The following TRIP10 variants were observed in gnomAD, a reference collection of about 807,000 sequenced individuals.
TRIP10 encodes the protein thyroid hormone receptor interactor 10, also known as cdc42-interacting protein 4.
TRIP10 carries 54 observed loss-of-function variants against 80.9 expected under a neutral mutation model. The observed-to-expected ratio is 0.67, with a 90% CI of 0.54 to 0.84. The LOEUF (loss-of-function observed/expected upper bound fraction) is 0.84, where lower values mean the gene tolerates loss of function less well. Among genes scored for constraint, TRIP10 ranks in the 40% least tolerant of loss-of-function variants. The pLI is 0.00. For missense variants in TRIP10, 773 were observed against 815.3 expected (o/e 0.95, Z 0.63); for synonymous variants, 321 against 307.2 (o/e 1.04, Z -0.47).
rs761033617 is a variant in TRIP10 at position 6,746,012 on chromosome 19, C to G, written c.985-17C>G. On this transcript the variant is annotated splice_polypyrimidine_tract_variant and intron_variant, in intron 9 of 14. Transcript: ENST00000313244. The surrounding 1 kb of genome is among the most constrained non-coding windows in gnomAD (Gnocchi z 6.2). ...CCACCCCTTCAACCTATCCCCCTCC[C>G]CGGCCCCCGCCGGTAGCCTCGCCCC... is the stretch of plus-strand genomic sequence containing the variant. The G allele has an allele frequency of 9.3e-5, 95 of 1,017,902 alleles. 2 individuals are homozygous for G. In the Middle Eastern group the frequency reaches 2.3e-3, roughly 24 times the overall value. The allele number at this position is 1,017,902 out of a possible 1,614,324, so 63.1% of individuals were successfully genotyped here. A position where few individuals can be genotyped will look rare whatever the true frequency, so the allele number is the denominator to read the frequency against.
chr19:6,746,074 G>T lies in TRIP10; in HGVS notation c.1030G>T (p.Ala344Ser), dbSNP rs1300477324. 5.4e-6 allele frequency: 8 copies of T among 1,492,366 alleles called. No individual in the cohort carries two copies. The highest frequency in any genetic ancestry group is 6.3e-6 in the Non-Finnish European group (7 of 1,117,140). 92.4% of individuals were successfully genotyped at this position (1,492,366 alleles called of 1,614,324 possible). The change falls in exon 10 of 15, where the codon GCA (alanine) becomes TCA (serine). Residue 344 changes from alanine to serine, a missense_variant. By Grantham distance (99) the Ala-to-Ser change is moderately conservative. Transcript: ENST00000313244. The surrounding 1 kb of genome is among the most constrained non-coding windows in gnomAD (Gnocchi z 6.2). ...LSPLGGPVPS[A>S]LPNGPPSPRS... ...CCCCCTGGGGGGCCCCGTACCCTCGGCATTGCCTAACGGACCCCCGTCCCC... is the reference window on the plus strand; with the variant it reads ...CCCCCTGGGGGGCCCCGTACCCTCGTCATTGCCTAACGGACCCCCGTCCCC...
At chr19:6,749,792 A>C (rs1248999561) in intron 11 of TRIP10, 142 bp from the exon 12 acceptor site, 1 of 1,204,712 alleles carries the variant, frequency 8.3e-7, no homozygotes, top group African/African-American at 1.5e-5. Context: ...TTAAGGTTGC[A>C]GTGAGCCATG....
intron 1 of TRIP10, 34 bp from the exon 2 acceptor site, chr19:6,740,976 C>T (rs1968899845): frequency 1.3e-6 from 2 of 1,592,830 alleles, no homozygotes; most frequent in African/African-American, 1.3e-5. Context: ...ACCCCGGCCC[C>T]TCTCCCCTCC....
In TRIP10 at chr19:6,743,615, C is replaced by CGGGGGGGGGTGGGGGGTGTGGGGGGGGGG; in HGVS notation, c.513+26_513+27insTGGGGGGTGTGGGGGGGGGGGGGGGGGGG. 1 of 770,178 alleles carries CGGGGGGGGGTGGGGGGTGTGGGGGGGGGG rather than the reference C, an allele frequency of 1.3e-6. No individual in the cohort carries two copies. Among genetic ancestry groups the CGGGGGGGGGTGGGGGGTGTGGGGGGGGGG allele is most frequent in the Non-Finnish European group, 1.8e-6 (1 of 549,194 alleles). 47.7% of individuals were successfully genotyped at this position (770,178 alleles called of 1,614,324 possible). On this transcript the variant is annotated intron_variant, in intron 6 of 14. Transcript: ENST00000313244. Reference sequence around the variant, plus strand: ...GTGGAGAAGGTGTGTGTGGCGGGGGCGGGGGGGGGGTGCGGGGTCTGGGAC... The same window carrying CGGGGGGGGGTGGGGGGTGTGGGGGGGGGG: ...GTGGAGAAGGTGTGTGTGGCGGGGGCGGGGGGGGGTGGGGGGTGTGGGGGGGGGGGGGGGGGGGGTGCGGGGTCTGGGAC...
chr19:6,741,697 G>T (rs906490715), intron 3 of TRIP10, among the ~76,000 whole-genome samples: 1 of 152,074 alleles, frequency 6.6e-6, no homozygotes. Flanking sequence ...ATCAAACGCC[G>T]TAAGGAGCAT....
chr19:6,750,991 C>A, intron 14 of TRIP10, 72 bp from the exon 15 acceptor site: 1 of 1,447,852 alleles, frequency 6.9e-7, no homozygotes, highest in South Asian at 1.6e-5. Context: ...GAGGCTCTGT[C>A]TCAAAAATAA....
intron 11 of TRIP10, chr19:6,748,940 A>G (rs1969207432): frequency 6.6e-6 from 1 of 151,762 alleles, no homozygotes; most frequent in African/African-American, 2.4e-5. Context: ...TTTATTAGTC[A>G]CTTACTGCAT....
At chr19:6,741,432 C>T (rs10419080) in intron 3 of TRIP10, 151 bp downstream of exon 3, 269,546 of 926,564 alleles carry the variant, frequency 0.29, 41,250 homozygotes, top group Non-Finnish European at 0.3. Flanking sequence ...GATTATCTGG[C>T]TTGGAATCCT....
chr19:6,744,188 C>G lies in TRIP10; in HGVS notation c.642+352C>G, dbSNP rs1969024772. Among the ~76,000 whole-genome samples the G allele has an allele frequency of 6.6e-6, 1 of 152,184 alleles. No homozygotes were observed. Among genetic ancestry groups the G allele is most frequent in the South Asian group, 2.1e-4 (1 of 4,836 alleles). ...TCTTCTAAGCTCCACCTCTAACAAC[C>G]CCTCTGAAAGGTCTCGAATTTCCCC... On this transcript the variant is annotated intron_variant, in intron 7 of 14. Transcript: ENST00000313244. The surrounding 1 kb of genome is among the most constrained non-coding windows in gnomAD (Gnocchi z 4.9).
chr19:6,748,589 T>C (rs1290904393), intron 11 of TRIP10: 1 of 152,188 alleles, frequency 6.6e-6, no homozygotes, highest in Admixed American at 6.5e-5. Flanking sequence ...GAGACCGAGT[T>C]TGAGACCAGC....
Position 6,746,422 on chromosome 19 carries a change from C to T in TRIP10, c.1153-30C>T, listed in dbSNP as rs929986823. ...AGTCTGGCAGGCTAGACTCCTTGATCCCAAATTCAGCCCTCTACCCACCTT... is the reference window on the plus strand; with the variant it reads ...AGTCTGGCAGGCTAGACTCCTTGATTCCAAATTCAGCCCTCTACCCACCTT... On this transcript the variant is annotated intron_variant, in intron 10 of 14. Coordinates refer to ENST00000313244, the MANE Select transcript of TRIP10 (RefSeq NM_001288962.2). This position sits in a 1 kb window ranked among gnomAD's most constrained non-coding sequence, Gnocchi z 6.2. The T allele has an allele frequency of 1.7e-5, 27 of 1,611,702 alleles. No individual in the cohort carries two copies. The highest frequency in any genetic ancestry group is 2.3e-5 in the Non-Finnish European group (27 of 1,178,096).
rs1227877551 is a variant in TRIP10, at chr19:6,743,495, G to A, written c.410G>A (p.Ser137Asn). Residue 137 changes from serine (S) to asparagine (N), a missense_variant and splice_region_variant, in exon 6 of 15, where the codon AGT (serine) becomes AAT (asparagine). Transcript: ENST00000313244. ...LENGFKQLENSKRKFERDCRE... is the reference protein window; with the variant it reads ...LENGFKQLENNKRKFERDCRE... Reference sequence around the variant, plus strand: ...ACTCCGGTTCTGTCCCCTACACAGAGTAAGCGTAAATTTGAGCGGGACTGC... The same window carrying A: ...ACTCCGGTTCTGTCCCCTACACAGAATAAGCGTAAATTTGAGCGGGACTGC... The A allele has an allele frequency of 6.2e-7, 1 of 1,613,714 alleles. No homozygotes were observed. The highest frequency in any genetic ancestry group is 1.1e-5 in the South Asian group (1 of 91,076).
chr19:6,750,783 G>A (rs1969271920), intron 14 of TRIP10, 150 bp downstream of exon 14: 1 of 1,284,760 alleles, frequency 7.8e-7, no homozygotes, highest in Non-Finnish European at 1.1e-6. Flanking sequence ...ATCACTTGAG[G>A]TCAAGAATTC....
rs1042684969 is a variant in TRIP10, at chr19:6,744,234, C to T, written c.643-320C>T. Among the ~76,000 whole-genome samples, 9 of 152,226 alleles carry T rather than the reference C, an allele frequency of 5.9e-5. No individual in the cohort carries two copies. Among genetic ancestry groups the T allele is most frequent in the Admixed American group, 2.6e-4 (4 of 15,274 alleles). On this transcript the variant is annotated intron_variant, in intron 7 of 14. Transcript: ENST00000313244. This position sits in a 1 kb window ranked among gnomAD's most constrained non-coding sequence, Gnocchi z 4.9. ...TCCCCTCTCCTGTTTCAATCTAGCG[C>T]TCCACTCTCTGTCCCATCCGTGGCC...
chr19:6,743,250 G>A lies in TRIP10; in HGVS notation c.402G>A (p.Leu134=). 6.2e-7 allele frequency: 1 copy of A among 1,613,714 alleles called. No homozygotes were observed. Among genetic ancestry groups the A allele is most frequent in the Non-Finnish European group, 8.5e-7 (1 of 1,179,974 alleles). The change falls in exon 5 of 15, where the codon CTG becomes CTA. Residue 134 remains leucine (L), a synonymous_variant. Transcript: ENST00000313244. ...QQQLENGFKQ[L]ENSKRKFERD... ...AGCTGGAAAATGGCTTTAAACAGCT[G>A]GAGAATGTGAGTTTGCAGAGGTAGC...
At position 6,741,057 on chromosome 19, in the gene TRIP10, G is replaced by A. The variant is rs1295340974; in HGVS notation, c.72G>A (p.Leu24=). 1.9e-6 allele frequency: 3 copies of A among 1,613,926 alleles called. No homozygotes were observed. In the South Asian group the frequency reaches 3.3e-5, roughly 18 times the overall value. The change falls in exon 2 of 15, where the codon CTG becomes CTA. Residue 24 remains leucine, a synonymous_variant. Coordinates refer to ENST00000313244, the MANE Select transcript of TRIP10 (RefSeq NM_001288962.2). ...GCCACACGCAGTGGGGGCTGGACCT[G>A]TTGGACAGATATGTAAAGTTCGTGA... is the stretch of plus-strand genomic sequence containing the variant. ...LERHTQWGLD[L]LDRYVKFVKE...
rs200472405 is a variant in TRIP10 at position 6,746,534 on chromosome 19, G to A, written c.1235G>A (p.Arg412His). ...CAACAGCAGTTGGAAGAACGCAGTC[G>A]TGAACTTCAGAAGGAGGTTGACCAG... ...RLQQQLEERS[R>H]ELQKEVDQRE... is the part of the protein sequence containing the mutation. Residue 412 changes from arginine (R) to histidine (H), a missense_variant, in exon 11 of 15, where the codon CGT (arginine) becomes CAT (histidine). Arg to His is a conservative substitution (Grantham distance 29). Coordinates refer to ENST00000313244, the MANE Select transcript of TRIP10 (RefSeq NM_001288962.2). This position sits in a 1 kb window ranked among gnomAD's most constrained non-coding sequence, Gnocchi z 6.2. The A allele has an allele frequency of 5.8e-5, 94 of 1,614,150 alleles. 1 individual carries two copies. Among genetic ancestry groups the A allele is most frequent in the South Asian group, 4.6e-4 (42 of 91,088 alleles).
At position 6,750,331 on chromosome 19, in the gene TRIP10, C is replaced by A; in HGVS notation, c.1435C>A (p.Arg479=). ...AEAESRVLSN[R]GDSLSRHARP... is the part of the protein sequence containing the mutation. ...AGCTGAAAGTCGAGTCCTTAGCAAC[C>A]GGGGAGACAGCCTGAGCCGGCACGC... is the stretch of plus-strand genomic sequence containing the variant. The change falls in exon 13 of 15, where the codon CGG becomes AGG. Residue 479 remains arginine (R), a synonymous_variant. Transcript: ENST00000313244. 1 of 1,614,052 alleles carries A rather than the reference C, an allele frequency of 6.2e-7. No homozygotes were observed. The highest frequency in any genetic ancestry group is 8.5e-7 in the Non-Finnish European group (1 of 1,179,988).
rs145584075 is a variant in TRIP10 at position 6,743,615 on chromosome 19, C to CGGGGGGG, written c.513+21_513+27dup. On this transcript the variant is annotated intron_variant, in intron 6 of 14. Transcript: ENST00000313244. ...GTGGAGAAGGTGTGTGTGGCGGGGG[C>CGGGGGGG]GGGGGGGGGGTGCGGGGTCTGGGAC... The CGGGGGGG allele has an allele frequency of 2.7e-5, 21 of 771,470 alleles. No homozygotes were observed. The highest frequency in any genetic ancestry group is 1.6e-4 in the Admixed American group (5 of 31,062). 47.8% of individuals were successfully genotyped at this position (771,470 alleles called of 1,614,324 possible). A position where few individuals can be genotyped will look rare whatever the true frequency, so the allele number is the denominator to read the frequency against.
Sources: gnomAD v4.1 joint callset for allele counts (sites outside exome capture counted in the v4.1 genomes callset) on GRCh38, gnomAD v4.1.1 for gene constraint, Gnocchi (gnomAD v3.1) non-coding constraint, MANE v1.5 for transcripts, NCBI Gene and HGNC (gene_info 2026-07-23, HGNC 2026-07-21) for gene names.